CFAP20DC: variants seen among roughly 807,000 people sequenced by gnomAD.
CFAP20DC encodes CFAP20 domain containing, also known as protein CFAP20DC.
A neutral mutation model predicts 101.7 loss-of-function variants in CFAP20DC; 84 were observed. That is an observed-to-expected ratio of 0.83 (90% confidence interval 0.69 to 0.99). CFAP20DC has a LOEUF of 0.99. Among genes scored for constraint, CFAP20DC ranks in the 50% least tolerant of loss-of-function variants. The pLI, the probability that CFAP20DC is intolerant of heterozygous loss-of-function variation, is 0.00. For synonymous variants in CFAP20DC, 359 were observed against 351.2 expected (o/e 1.02, Z -0.25); for missense variants, 1,007 against 970.3 (o/e 1.04, Z -0.50).
At chr3:58,895,602 T>C (rs1266052340) in intron 6 of CFAP20DC, among the ~76,000 whole-genome samples, 2 of 152,212 alleles carry the variant, frequency 1.3e-5, no homozygotes, top group Non-Finnish European at 2.9e-5. Context: ...TCCCACATTT[T>C]CCTTTCTTCT....
intron 4 of CFAP20DC, among the ~76,000 whole-genome samples, chr3:58,965,462 G>A (rs1281118232): frequency 6.6e-6 from 1 of 151,880 alleles, no homozygotes; most frequent in Non-Finnish European, 1.5e-5. Context: ...TTTTTAAATT[G>A]TTCAAAGTTC....
At chr3:58,762,546 T>C (rs1470871791) in intron 15 of CFAP20DC, among the ~76,000 whole-genome samples, 9 of 152,204 alleles carry the variant, frequency 5.9e-5, no homozygotes, top group Admixed American at 1.3e-4. Context: ...CATTTAAGGT[T>C]AATATTGTTA....
At chr3:59,045,547 T>C (rs891638155) in intron 3 of CFAP20DC, among the ~76,000 whole-genome samples, 1 of 152,152 alleles carries the variant, frequency 6.6e-6, no homozygotes, top group African/African-American at 2.4e-5. Context: ...ATTGTAACCC[T>C]GTCTCTGCTA....
intron 5 of CFAP20DC, among the ~76,000 whole-genome samples, chr3:58,916,705 T>C (rs1347535651): frequency 6.6e-6 from 1 of 152,148 alleles, no homozygotes; most frequent in African/African-American, 2.4e-5. Context: ...CTAAAAAAGA[T>C]GGAAATAACT....
intron 16 of CFAP20DC, among the ~76,000 whole-genome samples, chr3:58,743,052 T>C (rs115991093): frequency 0.011 from 1,704 of 152,240 alleles, 41 homozygotes; most frequent in African/African-American, 0.038. Flanking sequence ...ATTAAAATAA[T>C]AGAACTATAA....
At chr3:58,931,657 C>A (rs1429746447) in intron 5 of CFAP20DC, among the ~76,000 whole-genome samples, 1 of 152,184 alleles carries the variant, frequency 6.6e-6, no homozygotes, top group Admixed American at 6.5e-5. Flanking sequence ...GATACCCAGG[C>A]AAATAGGGTC....
At chr3:58,805,341 C>G (rs1323425106) in intron 15 of CFAP20DC, among the ~76,000 whole-genome samples, 1 of 152,202 alleles carries the variant, frequency 6.6e-6, no homozygotes, top group Non-Finnish European at 1.5e-5. Context: ...CTGGCTGCCT[C>G]TTGCCTTTCT....
intron 4 of CFAP20DC, among the ~76,000 whole-genome samples, chr3:58,958,479 T>C (rs2090843774): frequency 6.6e-6 from 1 of 152,196 alleles, no homozygotes; most frequent in Non-Finnish European, 1.5e-5. Flanking sequence ...TGAATGATGC[T>C]GCTATGAGTA....
At chr3:58,887,721 T>G (rs1406840065) in intron 6 of CFAP20DC, among the ~76,000 whole-genome samples, 1 of 152,224 alleles carries the variant, frequency 6.6e-6, no homozygotes, top group Non-Finnish European at 1.5e-5. Flanking sequence ...ACCCAACATC[T>G]TTCCTTTCTG....
At chr3:59,043,441 T>C (rs546850414) in intron 3 of CFAP20DC, among the ~76,000 whole-genome samples, 2 of 151,740 alleles carry the variant, frequency 1.3e-5, no homozygotes, top group East Asian at 1.9e-4. Context: ...TTCAGGAAAA[T>C]AGAGGCAGAT....
In CFAP20DC at chr3:58,971,864, TACACACACAC is replaced by T. The variant is rs34030341; in HGVS notation, c.279-34112_279-34103del. ...CTGTAATATCATACACACGCACACA[TACACACACAC>T]ACACACACACACACACACAATTAAG... On this transcript the variant is annotated intron_variant, in intron 4 of 16. Coordinates refer to ENST00000482387, the MANE Select transcript of CFAP20DC (RefSeq NM_001394063.1). This position sits in a 1 kb window ranked among gnomAD's most constrained non-coding sequence, Gnocchi z 4.1. Among the ~76,000 whole-genome samples the T allele has an allele frequency of 1.4e-5, 2 of 142,380 alleles. No homozygotes were observed. Among genetic ancestry groups the T allele is most frequent in the African/African-American group, 5.1e-5 (2 of 39,356 alleles). 93.4% of individuals were successfully genotyped at this position (142,380 alleles called of 152,430 possible).
chr3:58,808,172 T>C (rs182668741), intron 14 of CFAP20DC, among the ~76,000 whole-genome samples: 167 of 152,268 alleles, frequency 1.1e-3, no homozygotes, highest in Non-Finnish European at 9.3e-4. Flanking sequence ...TTCCCCAATC[T>C]AGCAAGGCAG....
At chr3:58,888,644 A>C (rs1222956982) in intron 6 of CFAP20DC, among the ~76,000 whole-genome samples, 2 of 152,150 alleles carry the variant, frequency 1.3e-5, no homozygotes, top group African/African-American at 4.8e-5. Context: ...CCCACTTATG[A>C]GAGCATGCAG....
At chr3:58,841,537 G>A (rs372262503) in intron 13 of CFAP20DC, among the ~76,000 whole-genome samples, 40 of 152,248 alleles carry the variant, frequency 2.6e-4, no homozygotes, top group African/African-American at 9.1e-4. Context: ...ATATATCGGG[G>A]CAGAAACAAA....
rs1311390522 is a variant in CFAP20DC at position 58,868,157 on chromosome 3, A to C, written c.1016-221T>G. Among the ~76,000 whole-genome samples the C allele has an allele frequency of 1.3e-5, 2 of 152,206 alleles. No individual in the cohort carries two copies. The highest frequency in any genetic ancestry group is 4.1e-4 in the South Asian group (2 of 4,832). Reference sequence around the variant, plus strand: ...TCAAAATTACTGAAACACTTTATTCATGTAATATAACCTTATAGAGGGCTA... The same window carrying C: ...TCAAAATTACTGAAACACTTTATTCCTGTAATATAACCTTATAGAGGGCTA... On this transcript the variant is annotated intron_variant, in intron 9 of 16. Transcript: ENST00000482387. The surrounding 1 kb of genome is among the most constrained non-coding windows in gnomAD (Gnocchi z 4.6).
At chr3:58,727,530 G>C (rs2067571919) in intron 3 of CFAP20DC, 1 of 152,144 alleles carries the variant, frequency 6.6e-6, no homozygotes, top group Non-Finnish European at 1.5e-5. Context: ...TCCGCCTCCT[G>C]GGTTCACGCC....
chr3:58,816,530 G>T lies in CFAP20DC; in HGVS notation c.2176-10074C>A, dbSNP rs993613246. The stretch of plus-strand genomic sequence containing the variant: ...TTTCCGAGTCAAAGAAAGGGGTGAC[G>T]GACGCATCTGGAAAATCGGGTGACT... On this transcript the variant is annotated intron_variant, in intron 14 of 16. Coordinates refer to ENST00000482387, the MANE Select transcript of CFAP20DC (RefSeq NM_001394063.1). 3.9e-5 allele frequency among the ~76,000 whole-genome samples: 6 copies of T among 152,272 alleles called. No individual in the cohort carries two copies. The East Asian group carries it at 1.2e-3, about 29-fold the overall frequency.
chr3:58,737,278 C>G (rs1043013624), downstream of CFAP20DC: 2 of 455,604 alleles, frequency 4.4e-6, no homozygotes, highest in African/African-American at 4.0e-5. This position sits in a 1 kb window ranked among gnomAD's most constrained non-coding sequence, Gnocchi z 4.1. Flanking sequence ...CCACTAACCA[C>G]CCCCCACCCC....
At chr3:58,804,119 AG>A (rs1188544134) in intron 15 of CFAP20DC, among the ~76,000 whole-genome samples, 1 of 152,242 alleles carries the variant, frequency 6.6e-6, no homozygotes, top group Non-Finnish European at 1.5e-5. Flanking sequence ...GTCTTGTAAA[AG>A]TCACAGAATC....
Sources: gnomAD v4.1 joint callset for allele counts (sites outside exome capture counted in the v4.1 genomes callset) on GRCh38, gnomAD v4.1.1 for gene constraint, Gnocchi (gnomAD v3.1) non-coding constraint, MANE v1.5 for transcripts, NCBI Gene and HGNC (gene_info 2026-07-23, HGNC 2026-07-21) for gene names.